The following ALMS1 variants were observed in gnomAD, a reference collection of about 807,000 sequenced individuals.
ALMS1 encodes ALMS1 centrosome and basal body associated protein.
A neutral mutation model predicts 352.2 loss-of-function variants in ALMS1; 271 were observed. The ratio of observed to expected loss-of-function variants is 0.77; its 90% confidence interval spans 0.70 to 0.85. ALMS1 has a LOEUF of 0.85. Ranked by LOEUF, ALMS1 falls within the 40% of genes least tolerant of loss-of-function variation. ALMS1 has a pLI of 0.00. For synonymous variants in ALMS1, 1,865 were observed against 1,761.2 expected (o/e 1.06, Z -1.48); for missense variants, 5,445 against 4,870.7 (o/e 1.12, Z -3.51).
At chr2:73,507,644 G>A (rs529096885) in intron 10 of ALMS1, among the ~76,000 whole-genome samples, 3 of 152,026 alleles carry the variant, frequency 2.0e-5, no homozygotes, top group Non-Finnish European at 2.9e-5. Flanking sequence ...TTTTTATTGT[G>A]TCTATTTGAT....
intron 9 of ALMS1, among the ~76,000 whole-genome samples, chr2:73,488,160 A>G (rs956088377): frequency 5.9e-5 from 9 of 151,950 alleles, no homozygotes; most frequent in African/African-American, 2.2e-4. Context: ...TCTGCCATCT[A>G]CGGTACCCAT....
intron 1 of ALMS1, among the ~76,000 whole-genome samples, chr2:73,402,068 G>A (rs750950112): frequency 6.6e-5 from 10 of 151,842 alleles, no homozygotes; most frequent in Admixed American, 1.3e-4. Context: ...GTGTATGTGT[G>A]TGTGTCTTGT....
chr2:73,495,617 G>A (rs1486222451), intron 10 of ALMS1, among the ~76,000 whole-genome samples: 1 of 152,028 alleles, frequency 6.6e-6, no homozygotes, highest in African/African-American at 2.4e-5. Context: ...GCTCATTGCT[G>A]GTGGGATGTT....
At chr2:73,586,701 T>C (rs1558705203) in intron 16 of ALMS1, among the ~76,000 whole-genome samples, 1 of 152,188 alleles carries the variant, frequency 6.6e-6, no homozygotes. Context: ...AGGTTTGTTC[T>C]TTTTGCTTAG....
intron 7 of ALMS1, among the ~76,000 whole-genome samples, chr2:73,442,959 G>A (rs141290506): frequency 9.5e-4 from 145 of 152,254 alleles, no homozygotes; most frequent in Non-Finnish European, 1.4e-3. Flanking sequence ...TCTTCTCAGT[G>A]AATGAGTGTC....
At chr2:73,535,633 A>G (rs1674011853) in intron 12 of ALMS1, among the ~76,000 whole-genome samples, 1 of 152,200 alleles carries the variant, frequency 6.6e-6, no homozygotes, top group Non-Finnish European at 1.5e-5. Context: ...CTAGAATTTT[A>G]AACTATCCTG....
chr2:73,489,964 C>T lies in ALMS1; in HGVS notation c.8005C>T (p.Arg2669Ter), dbSNP rs549857076. ...PDEFKISKGLRMPFDEKMDPW... is the reference protein window; with the variant it reads ...PDEFKISKGL The stretch of plus-strand genomic sequence containing the variant: ...TGAATTCAAAATCAGCAAAGGTCTT[C>T]GAATGCCATTCGATGAAAAGATGGA... Residue 2669 changes from arginine to a stop codon, truncating the protein, a stop_gained, in exon 10 of 23, where the codon CGA (arginine) becomes TGA (stop). Transcript: ENST00000613296. LOFTEE classifies it high-confidence loss of function. The T allele has an allele frequency of 3.7e-6, 6 of 1,614,194 alleles. No homozygotes were observed. Among genetic ancestry groups the T allele is most frequent in the East Asian group, 2.2e-5 (1 of 44,886 alleles).
intron 12 of ALMS1, among the ~76,000 whole-genome samples, chr2:73,543,840 G>A (rs1238002716): frequency 2.0e-5 from 3 of 152,186 alleles, no homozygotes; most frequent in Non-Finnish European, 2.9e-5. Flanking sequence ...AGTTAGAATG[G>A]CGATCATTAA....
At chr2:73,473,769 G>A (rs991312385) in intron 9 of ALMS1, among the ~76,000 whole-genome samples, 1 of 152,088 alleles carries the variant, frequency 6.6e-6, no homozygotes, top group South Asian at 2.1e-4. Flanking sequence ...TTCAATAGCT[G>A]AGTAGTCTGA....
chr2:73,532,999 A>G (rs1673953270), intron 11 of ALMS1, among the ~76,000 whole-genome samples: 1 of 152,176 alleles, frequency 6.6e-6, no homozygotes, highest in South Asian at 2.1e-4. Flanking sequence ...TTTCTGGCCC[A>G]GGGTATGTCT....
rs374909171 is a variant in ALMS1, at chr2:73,600,751, C to T, written c.11742C>T (p.Ser3914=). ...GGATAACTTTCCCAACTCCAAGTTC[C>T]AGCGAGGCTAAATTGGAAGAGAACA... The part of the protein sequence containing the change: ...DVGITFPTPS[S]SEAKLEENSD... The change falls in exon 18 of 23, where the codon TCC becomes TCT. Residue 3914 remains serine, a synonymous_variant. Transcript: ENST00000613296. The T allele has an allele frequency of 4.3e-6, 7 of 1,614,038 alleles. No individual in the cohort carries two copies. The highest frequency in any genetic ancestry group is 5.9e-6 in the Non-Finnish European group (7 of 1,180,034).
intron 2 of ALMS1, among the ~76,000 whole-genome samples, chr2:73,413,885 A>G (rs1159535901): frequency 6.6e-6 from 1 of 152,194 alleles, no homozygotes; most frequent in Admixed American, 6.5e-5. Context: ...ACACTATTCC[A>G]TTGATTTACA....
At chr2:73,556,847 C>T (rs71416796) in intron 13 of ALMS1, among the ~76,000 whole-genome samples, 3,348 of 152,004 alleles carry the variant, frequency 0.022, 56 homozygotes, top group Middle Eastern at 0.051. Context: ...GGACTACAGG[C>T]GTGCACCACG....
At chr2:73,412,151 C>T (rs978245489) in intron 2 of ALMS1, among the ~76,000 whole-genome samples, 5 of 152,154 alleles carry the variant, frequency 3.3e-5, no homozygotes, top group South Asian at 2.1e-4. Flanking sequence ...CTTTGACATA[C>T]GTATACAGTC....
At chr2:73,521,153 A>G (rs183290322) in intron 11 of ALMS1, among the ~76,000 whole-genome samples, 69 of 152,336 alleles carry the variant, frequency 4.5e-4, no homozygotes, top group Admixed American at 4.1e-3. Context: ...AAAAATATAT[A>G]TATAGTTTAA....
At chr2:73,431,469 G>A (rs2103732772) in intron 6 of ALMS1, among the ~76,000 whole-genome samples, 1 of 152,268 alleles carries the variant, frequency 6.6e-6, no homozygotes, top group East Asian at 1.9e-4. Flanking sequence ...ATATTTTTAT[G>A]TGAGGGTGCA....
Position 73,579,118 on chromosome 2 carries a change from G to A in ALMS1, c.11547+5694G>A, listed in dbSNP as rs569091514. On this transcript the variant is annotated intron_variant, in intron 16 of 22. Transcript: ENST00000613296. ...GAGTCGTCCTGGGCTGTAGTGCAAT[G>A]GCACAATCTAAGCTCACTGCAACCT... Among the ~76,000 whole-genome samples, 5 of 137,332 alleles carry A rather than the reference G, an allele frequency of 3.6e-5. No individual in the cohort carries two copies. In the East Asian group the frequency reaches 1.0e-3, roughly 28 times the overall value. 90.1% of individuals were successfully genotyped at this position (137,332 alleles called of 152,430 possible).
intron 10 of ALMS1, among the ~76,000 whole-genome samples, chr2:73,510,013 A>G (rs1038320957): frequency 2.0e-5 from 3 of 152,132 alleles, no homozygotes; most frequent in African/African-American, 7.2e-5. Context: ...CGATTCAGCT[A>G]TTGATACTTA....
chr2:73,439,400 A>G (rs1671671250), intron 7 of ALMS1, among the ~76,000 whole-genome samples: 1 of 152,040 alleles, frequency 6.6e-6, no homozygotes, highest in South Asian at 2.1e-4. Context: ...GATTACAGGC[A>G]TGAGCCACCG....
Sources: allele counts gnomAD v4.1 joint callset (sites outside exome capture counted in the v4.1 genomes callset), GRCh38; gene constraint gnomAD v4.1.1; transcripts MANE v1.5; gene names NCBI Gene and HGNC (gene_info 2026-07-23, HGNC 2026-07-21).